BRINP1: variants seen among roughly 807,000 people sequenced by gnomAD.
BRINP1 encodes the protein BMP/retinoic acid-inducible neural-specific protein 1.
BRINP1 carries 17 observed loss-of-function variants against 72.9 expected under a neutral mutation model. That is an observed-to-expected ratio of 0.23 (90% CI 0.16 to 0.35). The LOEUF (loss-of-function observed/expected upper bound fraction) is 0.35, where lower values mean the gene tolerates loss of function less well. BRINP1 is among the 10% of genes least tolerant of loss of function. The probability of loss-of-function intolerance (pLI) is 1.00; values close to 1 mark genes in which losing one functional copy is unlikely to be tolerated. For missense variants in BRINP1, 850 were observed against 1,001.6 expected (o/e 0.85, Z 2.04); for synonymous variants, 418 against 378.5 (o/e 1.10, Z -1.21).
At chr9:119,363,219 C>T (rs1021511029) in intron 1 of BRINP1, among the ~76,000 whole-genome samples, 2 of 152,142 alleles carry the variant, frequency 1.3e-5, no homozygotes, top group Admixed American at 6.5e-5. Flanking sequence ...TCTCCAACCT[C>T]GGCCTACGGA....
chr9:119,184,382 G>C (rs78821410), intron 7 of BRINP1, among the ~76,000 whole-genome samples: 1 of 152,088 alleles, frequency 6.6e-6, no homozygotes, highest in Admixed American at 6.6e-5. Context: ...TAGAAAGAAA[G>C]TTCCGAAGAT....
At chr9:119,281,138 T>C (rs1830706869) in intron 2 of BRINP1, among the ~76,000 whole-genome samples, 1 of 152,166 alleles carries the variant, frequency 6.6e-6, no homozygotes, top group South Asian at 2.1e-4. Flanking sequence ...TCTGAGAGTG[T>C]AGAAATGTGA....
intron 7 of BRINP1, among the ~76,000 whole-genome samples, chr9:119,204,051 C>G (rs1183634294): frequency 6.6e-6 from 1 of 152,148 alleles, no homozygotes; most frequent in Non-Finnish European, 1.5e-5. Flanking sequence ...CTCTCTGAGC[C>G]CAGCTGCCAT....
intron 7 of BRINP1, among the ~76,000 whole-genome samples, chr9:119,193,082 A>G (rs1276928831): frequency 6.6e-6 from 1 of 152,156 alleles, no homozygotes; most frequent in Non-Finnish European, 1.5e-5. Context: ...ATACTATGAC[A>G]TGGTTATAAT....
intron 5 of BRINP1, among the ~76,000 whole-genome samples, chr9:119,215,647 C>T (rs1251581295): frequency 1.3e-5 from 2 of 152,012 alleles, no homozygotes; most frequent in African/African-American, 4.8e-5. Context: ...ATCTTTTTTC[C>T]ATTTTCTTCA....
At chr9:119,201,743 C>T (rs1174359696) in intron 7 of BRINP1, among the ~76,000 whole-genome samples, 1 of 152,174 alleles carries the variant, frequency 6.6e-6, no homozygotes, top group Non-Finnish European at 1.5e-5. Flanking sequence ...GACCAACGCA[C>T]AGTTGCTTGT....
chr9:119,350,067 A>T (rs1431929955), intron 1 of BRINP1, among the ~76,000 whole-genome samples: 3 of 152,108 alleles, frequency 2.0e-5, no homozygotes, highest in African/African-American at 7.2e-5. Context: ...TGCTCTTTAG[A>T]TGATTTTGGA....
intron 1 of BRINP1, among the ~76,000 whole-genome samples, chr9:119,316,900 G>A (rs1201837349): frequency 6.7e-6 from 1 of 148,920 alleles, no homozygotes; most frequent in African/African-American, 2.6e-5. Context: ...AGACTATCCT[G>A]GCCAATATGA....
Position 119,252,944 on chromosome 9 carries a change from C to T in BRINP1, c.219-3794G>A, listed in dbSNP as rs112490064. 3.9e-3 allele frequency among the ~76,000 whole-genome samples: 591 copies of T among 152,236 alleles called. 3 individuals are homozygous for T. The highest frequency in any genetic ancestry group is 0.014 in the African/African-American group (569 of 41,532). On this transcript the variant is annotated intron_variant, in intron 2 of 7. Coordinates refer to ENST00000265922, the MANE Select transcript of BRINP1 (RefSeq NM_014618.3). ...TCTGTGTTGCTTCCTTGAAAAGAAA[C>T]TCAGAAAGATGCCTATGCCAGGTAC... is the stretch of plus-strand genomic sequence containing the variant.
chr9:119,258,809 C>T (rs947404794), intron 2 of BRINP1, among the ~76,000 whole-genome samples: 2 of 152,224 alleles, frequency 1.3e-5, no homozygotes, highest in Non-Finnish European at 2.9e-5. Flanking sequence ...ATTCTCCCAA[C>T]AACCTGGAAG....
At chr9:119,197,441 A>G (rs1425212668) in intron 7 of BRINP1, among the ~76,000 whole-genome samples, 1 of 152,058 alleles carries the variant, frequency 6.6e-6, no homozygotes, top group African/African-American at 2.4e-5. Flanking sequence ...AGCATCAACA[A>G]CTCTGTCTGG....
At chr9:119,214,975 A>T (rs2118878347) in intron 5 of BRINP1, among the ~76,000 whole-genome samples, 1 of 152,320 alleles carries the variant, frequency 6.6e-6, no homozygotes, top group South Asian at 2.1e-4. Flanking sequence ...GGGCTTTATT[A>T]TATGCTAGGG....
chr9:119,291,121 T>G (rs977554653), intron 2 of BRINP1, among the ~76,000 whole-genome samples: 1 of 87,438 alleles, frequency 1.1e-5, no homozygotes, highest in African/African-American at 5.2e-5. Flanking sequence ...GAACTCCATC[T>G]CAAAAAAAAA....
chr9:119,334,047 G>T (rs1351333312), intron 1 of BRINP1, among the ~76,000 whole-genome samples: 1 of 152,190 alleles, frequency 6.6e-6, no homozygotes, highest in African/African-American at 2.4e-5. Context: ...GACAGAGGCA[G>T]CTCTAAATGC....
intron 2 of BRINP1, among the ~76,000 whole-genome samples, chr9:119,262,476 A>G (rs1303406567): frequency 2.0e-5 from 3 of 151,834 alleles, no homozygotes; most frequent in Admixed American, 6.6e-5. Context: ...TACTAAAAAT[A>G]AAAAAATAAA....
At chr9:119,366,216 T>C (rs1831689552) in intron 1 of BRINP1, among the ~76,000 whole-genome samples, 1 of 152,180 alleles carries the variant, frequency 6.6e-6, no homozygotes, top group Non-Finnish European at 1.5e-5. Context: ...TGCTTGCATA[T>C]GCTTCTGTGC....
In BRINP1 at chr9:119,167,128, C is replaced by T; in HGVS notation, c.2242G>A (p.Glu748Lys). ...ATCTGGTCCGACTGTTTGAGGATCTCCGTGTTGTACAGGTCCAAGGCGTGG... is the reference window on the plus strand; with the variant it reads ...ATCTGGTCCGACTGTTTGAGGATCTTCGTGTTGTACAGGTCCAAGGCGTGG... ...VNHALDLYNT[E>K]ILKQSDQMTA... Residue 748 changes from glutamate to lysine, a missense_variant, in exon 8 of 8, where the codon GAG (glutamate) becomes AAG (lysine). Coordinates refer to ENST00000265922, the MANE Select transcript of BRINP1 (RefSeq NM_014618.3). The surrounding 1 kb of genome is among the most constrained non-coding windows in gnomAD (Gnocchi z 4.3). 6.2e-7 allele frequency: 1 copy of T among 1,613,216 alleles called. No homozygotes were observed. Among genetic ancestry groups the T allele is most frequent in the East Asian group, 2.2e-5 (1 of 44,838 alleles).
intron 7 of BRINP1, among the ~76,000 whole-genome samples, chr9:119,173,687 A>T (rs1198968773): frequency 1.5e-4 from 21 of 141,606 alleles, no homozygotes; most frequent in African/African-American, 4.0e-4. Flanking sequence ...TCGCCAAGTC[A>T]ATCCTAAGCC....
At chr9:119,178,646 G>T (rs1197795224) in intron 7 of BRINP1, among the ~76,000 whole-genome samples, 1 of 152,122 alleles carries the variant, frequency 6.6e-6, no homozygotes, top group Non-Finnish European at 1.5e-5. Flanking sequence ...CAGGCATAGT[G>T]CTGGAGGTTC....
Sources: gnomAD v4.1 joint callset for allele counts (sites outside exome capture counted in the v4.1 genomes callset) on GRCh38, gnomAD v4.1.1 for gene constraint, Gnocchi (gnomAD v3.1) non-coding constraint, MANE v1.5 for transcripts, NCBI Gene and HGNC (gene_info 2026-07-23, HGNC 2026-07-21) for gene names.